ARHGAP32: variants seen among roughly 807,000 people sequenced by gnomAD.
The protein encoded by ARHGAP32 is Rho GTPase activating protein 32.
A neutral mutation model predicts 186.5 loss-of-function variants in ARHGAP32; 51 were observed. That is an observed-to-expected ratio of 0.27 (90% CI 0.22 to 0.35). The LOEUF (loss-of-function observed/expected upper bound fraction) is 0.35, where lower values mean the gene tolerates loss of function less well. Ranked by LOEUF, ARHGAP32 falls within the 10% of genes least tolerant of loss-of-function variation. The pLI is 1.00. For synonymous variants in ARHGAP32, 950 were observed against 964.3 expected (o/e 0.99, Z 0.27); for missense variants, 2,186 against 2,623.5 (o/e 0.83, Z 3.64).
At chr11:129,195,732 A>G, upstream of ARHGAP32, among the ~76,000 whole-genome samples, 1 of 152,184 alleles carries the variant, frequency 6.6e-6, no homozygotes, top group Admixed American at 6.5e-5. Flanking sequence ...AAGGAAAAAA[A>G]GTTTTTAAAT....
At chr11:129,177,253 T>C (rs1400059641) in intron 1 of ARHGAP32, among the ~76,000 whole-genome samples, 1 of 152,112 alleles carries the variant, frequency 6.6e-6, no homozygotes, top group Admixed American at 6.6e-5. Context: ...GTTGAATCTC[T>C]GAATAGACCA....
intron 1 of ARHGAP32, among the ~76,000 whole-genome samples, chr11:129,188,693 T>C (rs1944213925): frequency 6.8e-6 from 1 of 147,090 alleles, no homozygotes; most frequent in African/African-American, 2.6e-5. Flanking sequence ...ATAAAGGCAT[T>C]GTCCCCCCCA....
At chr11:129,171,574 C>A (rs372562110) in intron 1 of ARHGAP32, among the ~76,000 whole-genome samples, 1 of 152,118 alleles carries the variant, frequency 6.6e-6, no homozygotes, top group Non-Finnish European at 1.5e-5. Flanking sequence ...GTTACGGTAG[C>A]GTTGTAGTAT....
intron 1 of ARHGAP32, among the ~76,000 whole-genome samples, chr11:129,169,646 A>G (rs1943716435): frequency 6.6e-6 from 1 of 151,422 alleles, no homozygotes; most frequent in Admixed American, 6.6e-5. Context: ...AAAAAAAAAA[A>G]AAAAAAAAAG....
At chr11:128,999,436 C>T (rs1565367149) in intron 11 of ARHGAP32, among the ~76,000 whole-genome samples, 2 of 152,152 alleles carry the variant, frequency 1.3e-5, no homozygotes, top group African/African-American at 2.4e-5. Flanking sequence ...ATTCTAATTT[C>T]GCCCTGGTCC....
intron 2 of ARHGAP32, among the ~76,000 whole-genome samples, chr11:129,159,875 A>G (rs1358106705): frequency 6.6e-6 from 1 of 152,186 alleles, no homozygotes; most frequent in Non-Finnish European, 1.5e-5. Context: ...TATCCACCAC[A>G]ATCAAGTCAG....
chr11:129,135,817 C>CA (rs2135415060), intron 2 of ARHGAP32, among the ~76,000 whole-genome samples: 1 of 151,828 alleles, frequency 6.6e-6, no homozygotes, highest in Admixed American at 6.6e-5. Flanking sequence ...ACATCATGCA[C>CA]AAAAATCAAT....
At chr11:129,036,273 G>A (rs1056141030) in intron 11 of ARHGAP32, among the ~76,000 whole-genome samples, 9 of 151,120 alleles carry the variant, frequency 6.0e-5, no homozygotes, top group African/African-American at 1.5e-4. Context: ...CCAGCTACTC[G>A]GGAGGCTAAG....
chr11:129,250,696 G>A (rs1009542460), intron 1 of ARHGAP32, among the ~76,000 whole-genome samples: 5 of 152,102 alleles, frequency 3.3e-5, no homozygotes, highest in African/African-American at 7.2e-5. Flanking sequence ...CTATCCTGTA[G>A]CAGAATTATT....
At chr11:129,034,725 AAAC>A (rs1939254141) in intron 11 of ARHGAP32, among the ~76,000 whole-genome samples, 1 of 149,186 alleles carries the variant, frequency 6.7e-6, no homozygotes, top group African/African-American at 2.5e-5. Flanking sequence ...TCCAAACTGA[AAAC>A]AAAAAAAAAA....
Position 129,123,115 on chromosome 11 carries a change from T to C in ARHGAP32, c.444+331A>G, listed in dbSNP as rs1397918202. Among the ~76,000 whole-genome samples the C allele has an allele frequency of 6.6e-6, 1 of 152,024 alleles. No homozygotes were observed. The highest frequency in any genetic ancestry group is 2.4e-5 in the African/African-American group (1 of 41,402). ...TACCAAGTATCAAAGCTCACAACAATTAATTAAGACAAGTTTACATAATTT... is the reference window on the plus strand; with the variant it reads ...TACCAAGTATCAAAGCTCACAACAACTAATTAAGACAAGTTTACATAATTT... On this transcript the variant is annotated intron_variant, in intron 5 of 22. Coordinates refer to ENST00000682385, the MANE Select transcript of ARHGAP32 (RefSeq NM_001378024.1). This position sits in a 1 kb window ranked among gnomAD's most constrained non-coding sequence, Gnocchi z 4.6.
At chr11:129,102,241 A>G (rs1941919908) in intron 5 of ARHGAP32, among the ~76,000 whole-genome samples, 2 of 152,250 alleles carry the variant, frequency 1.3e-5, no homozygotes, top group South Asian at 4.1e-4. Context: ...CAGCTGCTAC[A>G]GAAACACACT....
chr11:129,076,390 A>G (rs117714082), intron 6 of ARHGAP32, among the ~76,000 whole-genome samples: 9 of 152,324 alleles, frequency 5.9e-5, no homozygotes, highest in Non-Finnish European at 1.0e-4. Flanking sequence ...TTCTTGTGCA[A>G]TATCCAAGAA....
intron 1 of ARHGAP32, among the ~76,000 whole-genome samples, chr11:129,273,553 C>A (rs905870501): frequency 1.3e-5 from 2 of 152,146 alleles, no homozygotes; most frequent in African/African-American, 4.8e-5. Flanking sequence ...AACTCATTTT[C>A]CTGTTAAAAG....
intron 5 of ARHGAP32, among the ~76,000 whole-genome samples, chr11:129,121,472 G>A (rs1942526734): frequency 6.6e-6 from 1 of 152,020 alleles, no homozygotes; most frequent in Non-Finnish European, 1.5e-5. Flanking sequence ...AACTGGGCAG[G>A]AGAGCTGTGC....
chr11:129,071,447 T>C (rs1203878324), intron 6 of ARHGAP32, among the ~76,000 whole-genome samples: 2 of 151,902 alleles, frequency 1.3e-5, no homozygotes, highest in East Asian at 3.9e-4. Context: ...TCAACAGATA[T>C]TATGAAAAAA....
intron 1 of ARHGAP32, among the ~76,000 whole-genome samples, chr11:129,246,766 T>C (rs12575585): frequency 0.34 from 52,139 of 152,020 alleles, 9,304 homozygotes; most frequent in South Asian, 0.46. Context: ...CTGTAGGCAT[T>C]TCAAACTAAT....
At chr11:129,246,002 T>C (rs1317465534) in intron 1 of ARHGAP32, among the ~76,000 whole-genome samples, 2 of 152,238 alleles carry the variant, frequency 1.3e-5, no homozygotes, top group Non-Finnish European at 2.9e-5. Flanking sequence ...GATTCATTCA[T>C]TTATTCAATG....
intron 1 of ARHGAP32, among the ~76,000 whole-genome samples, chr11:129,184,980 C>G (rs990250144): frequency 1.3e-5 from 2 of 152,196 alleles, no homozygotes; most frequent in East Asian, 1.9e-4. Flanking sequence ...AACATAAACA[C>G]TAAACAATGA....
Sources: allele counts gnomAD v4.1 joint callset (sites outside exome capture counted in the v4.1 genomes callset), GRCh38; gene constraint gnomAD v4.1.1; non-coding constraint Gnocchi (gnomAD v3.1); transcripts MANE v1.5; gene names NCBI Gene and HGNC (gene_info 2026-07-23, HGNC 2026-07-21).